ELAVL4: variants seen among roughly 807,000 people sequenced by gnomAD.
ELAVL4 encodes the protein ELAV like RNA binding protein 4, also known as ELAV-like protein 4.
Under a neutral mutation model 35.6 loss-of-function variants are expected in ELAVL4, and 1 was observed. The ratio of observed to expected loss-of-function variants is 0.03; its 90% CI spans 0.01 to 0.13. The LOEUF (loss-of-function observed/expected upper bound fraction) is 0.13, where lower values mean the gene tolerates loss of function less well. Among genes scored for constraint, ELAVL4 ranks in the 10% least tolerant of loss-of-function variants. The probability of loss-of-function intolerance (pLI) is 1.00; values close to 1 mark genes in which losing one functional copy is unlikely to be tolerated. For missense variants in ELAVL4, 267 were observed against 464.9 expected (o/e 0.57, Z 3.91); for synonymous variants, 156 against 171.0 (o/e 0.91, Z 0.69).
At chr1:50,165,479 T>C (rs1002280775) in intron 2 of ELAVL4, among the ~76,000 whole-genome samples, 1 of 150,610 alleles carries the variant, frequency 6.6e-6, no homozygotes, top group African/African-American at 2.4e-5. Flanking sequence ...CACACTCACA[T>C]ATATATGTGT....
intron 1 of ELAVL4, among the ~76,000 whole-genome samples, chr1:50,052,953 TA>T (rs1397319935): frequency 1.3e-5 from 2 of 152,240 alleles, no homozygotes; most frequent in African/African-American, 4.8e-5. Flanking sequence ...GCAAAGTGGC[TA>T]GTGTTGACAT....
At chr1:50,049,246 G>A (rs1663231356) in intron 1 of ELAVL4, among the ~76,000 whole-genome samples, 1 of 152,190 alleles carries the variant, frequency 6.6e-6, no homozygotes, top group Non-Finnish European at 1.5e-5. Context: ...CTTTAATTTA[G>A]TAGAGCTCCT....
intron 2 of ELAVL4, among the ~76,000 whole-genome samples, chr1:50,167,727 T>C (rs1190448986): frequency 2.0e-5 from 3 of 152,044 alleles, no homozygotes; most frequent in Non-Finnish European, 4.4e-5. Context: ...AGAGGCTGAG[T>C]GGTGTCCACA....
chr1:50,058,701 C>A (rs1046685843), intron 1 of ELAVL4, among the ~76,000 whole-genome samples: 14 of 151,748 alleles, frequency 9.2e-5, no homozygotes, highest in Non-Finnish European at 7.4e-5. Flanking sequence ...GCAGCCTCCA[C>A]CCCCCAGGCT....
chr1:50,125,892 T>TG (rs1669826604), intron 1 of ELAVL4, among the ~76,000 whole-genome samples: 1 of 151,944 alleles, frequency 6.6e-6, no homozygotes, highest in Non-Finnish European at 1.5e-5. Flanking sequence ...TTACTTGTAG[T>TG]GGGGTCTTGG....
At chr1:50,191,475 G>A (rs892181139) in intron 3 of ELAVL4, among the ~76,000 whole-genome samples, 3 of 152,152 alleles carry the variant, frequency 2.0e-5, no homozygotes, top group Admixed American at 1.3e-4. Context: ...TTTCTCATGA[G>A]CTGTGGGTGT....
chr1:50,098,419 A>G (rs374191872), intron 1 of ELAVL4, among the ~76,000 whole-genome samples: 2 of 152,226 alleles, frequency 1.3e-5, no homozygotes, highest in Non-Finnish European at 2.9e-5. Context: ...GCTTTTCTAG[A>G]CACTCAAATT....
rs560655914 is a variant in ELAVL4, at chr1:50,173,291, C to T, written c.251-3798C>T. Among the ~76,000 whole-genome samples the T allele has an allele frequency of 2.6e-5, 4 of 152,096 alleles. No individual in the cohort carries two copies. The South Asian group carries it at 8.3e-4, about 32-fold the overall frequency. On this transcript the variant is annotated intron_variant, in intron 2 of 6. Transcript: ENST00000371824. ...AGACATTGTGTATTTGTGTGTGTGC[C>T]TATGTGCCTATGCTTTATAAAAACA... is the stretch of plus-strand genomic sequence containing the variant.
intron 1 of ELAVL4, among the ~76,000 whole-genome samples, chr1:50,059,712 T>C (rs752575858): frequency 6.6e-6 from 1 of 151,854 alleles, no homozygotes; most frequent in Non-Finnish European, 1.5e-5. Context: ...ACAGCCCAGA[T>C]GTCCATGAAT....
intron 1 of ELAVL4, among the ~76,000 whole-genome samples, chr1:50,135,835 G>C (rs926916930): frequency 6.6e-6 from 1 of 152,100 alleles, no homozygotes; most frequent in African/African-American, 2.4e-5. Flanking sequence ...TGGGAAACAT[G>C]AGTGCAGTCT....
intron 1 of ELAVL4, among the ~76,000 whole-genome samples, chr1:50,070,775 G>A (rs1664484200): frequency 6.7e-6 from 1 of 149,978 alleles, no homozygotes. Context: ...CTACTAAACG[G>A]TGACGTTTCA....
At chr1:50,068,003 CGTG>C (rs901141549) in intron 1 of ELAVL4, among the ~76,000 whole-genome samples, 1 of 152,112 alleles carries the variant, frequency 6.6e-6, no homozygotes, top group African/African-American at 2.4e-5. Flanking sequence ...TCCCACAACA[CGTG>C]GGGATTATGG....
intron 1 of ELAVL4, among the ~76,000 whole-genome samples, chr1:50,079,607 G>A (rs1664921375): frequency 6.6e-6 from 1 of 152,164 alleles, no homozygotes; most frequent in Non-Finnish European, 1.5e-5. Context: ...ACAGTTGAGG[G>A]TTGTCTAAAC....
intron 1 of ELAVL4, among the ~76,000 whole-genome samples, chr1:50,070,863 T>G (rs1460255406): frequency 6.6e-6 from 1 of 152,192 alleles, no homozygotes; most frequent in East Asian, 1.9e-4. Context: ...CATAGGACTG[T>G]TGGTGGAATA....
At chr1:50,059,130 G>A (rs1460886206) in intron 1 of ELAVL4, among the ~76,000 whole-genome samples, 1 of 151,986 alleles carries the variant, frequency 6.6e-6, no homozygotes, top group Non-Finnish European at 1.5e-5. Context: ...TAGTAGAGTG[G>A]TATAAATAAA....
intron 1 of ELAVL4, among the ~76,000 whole-genome samples, chr1:50,076,588 G>A (rs2148492074): frequency 6.6e-6 from 1 of 152,280 alleles, no homozygotes; most frequent in Admixed American, 6.5e-5. Flanking sequence ...AACTACTGTA[G>A]TGTGAGCAGG....
chr1:50,168,708 C>G (rs1678419512), intron 2 of ELAVL4, among the ~76,000 whole-genome samples: 1 of 152,042 alleles, frequency 6.6e-6, no homozygotes, highest in Non-Finnish European at 1.5e-5. Flanking sequence ...GTATCAAATT[C>G]ATTTATTTTG....
chr1:50,153,688 G>A (rs1003619035), intron 2 of ELAVL4, among the ~76,000 whole-genome samples: 4 of 152,188 alleles, frequency 2.6e-5, no homozygotes, highest in Non-Finnish European at 5.9e-5. Flanking sequence ...CAGAGACATT[G>A]TTATGGAATG....
In ELAVL4 at chr1:50,138,666, A is replaced by G. The variant is rs182625299; in HGVS notation, c.10-6291A>G. 2.1e-3 allele frequency among the ~76,000 whole-genome samples: 313 copies of G among 152,170 alleles called. 2 individuals carry two copies. The highest frequency in any genetic ancestry group is 7.3e-3 in the African/African-American group (303 of 41,520). ...TTTTTAGTAGAGGTGGGGTTTCTCC[A>G]TGTTGGCCAGGTTGGTCTCAAACTC... is the stretch of plus-strand genomic sequence containing the variant. On this transcript the variant is annotated intron_variant, in intron 1 of 6. Transcript: ENST00000371824.
Sources: gnomAD v4.1 joint callset for allele counts (sites outside exome capture counted in the v4.1 genomes callset) on GRCh38, gnomAD v4.1.1 for gene constraint, MANE v1.5 for transcripts, NCBI Gene and HGNC (gene_info 2026-07-23, HGNC 2026-07-21) for gene names.